Variants in POLR1C observed in about 807,000 individuals in gnomAD.
The protein encoded by POLR1C is DNA-directed RNA polymerases I and III subunit RPAC1.
POLR1C carries 42 observed loss-of-function variants against 38.3 expected under a neutral mutation model. The observed-to-expected ratio is 1.10, with a 90% confidence interval of 0.86 to 1.42. The LOEUF (loss-of-function observed/expected upper bound fraction) is 1.42. Among genes scored for constraint, POLR1C ranks in the 40% most tolerant of loss-of-function variants. POLR1C has a pLI of 0.00. For missense variants in POLR1C, 507 were observed against 450.5 expected, an observed-to-expected ratio of 1.13 and a Z score of -1.14; for synonymous variants, 163 against 163.9, an observed-to-expected ratio of 0.99 and a Z score of 0.04.
rs187713022 is a variant in POLR1C at position 43,539,367 on chromosome 6, G to A, written c.*4+10008G>A. 2,173 of 1,579,708 alleles carry A rather than the reference G, an allele frequency of 1.4e-3. 9 individuals carry two copies. The highest frequency in any genetic ancestry group is 6.0e-3 in the Middle Eastern group (33 of 5,520). ...CGCTGGCCAGCACGGGTCTGCTTCT[G>A]CACTGGCATAATCTTCAAAACCTCA... On this transcript the variant is annotated intron_variant, in intron 9 of 10. Coordinates refer to the POLR1C transcript ENST00000607635.
intron 6 of POLR1C, 49 bp downstream of exon 6, chr6:43,520,476 T>G (rs1413307481): frequency 6.2e-7 from 1 of 1,609,792 alleles, no homozygotes; most frequent in Non-Finnish European, 8.5e-7. Context: ...TCGGTTGCAG[T>G]GGGGCAAGCT....
chr6:43,528,965 C>CAT lies in POLR1C; in HGVS notation c.923-283_923-282dup, dbSNP rs776922426. On this transcript the variant is annotated intron_variant, in intron 8 of 8. Coordinates refer to the POLR1C transcript ENST00000304004. ...TAAGAAATTTTAGTGCATAGGCACA[C>CAT]ATCTCTCACCTGCCAGGTGGTGGGT... 7.0e-6 allele frequency: 11 copies of CAT among 1,567,190 alleles called. No homozygotes were observed. The South Asian group carries it at 1.2e-4, about 16-fold the overall frequency.
At chr6:43,546,796 A>C in intron 9 of POLR1C, 1 of 1,495,948 alleles carries the variant, frequency 6.7e-7, no homozygotes, top group East Asian at 2.5e-5. Flanking sequence ...AAAGGAAAAA[A>C]AAAAAAAGAC....
intron 9 of POLR1C, chr6:43,539,386 A>C (rs1794554964): frequency 1.9e-6 from 3 of 1,578,838 alleles, no homozygotes; most frequent in South Asian, 2.2e-5. Flanking sequence ...TAATCTTCAA[A>C]ACCTCATCCT....
Position 43,560,704 on chromosome 6 carries a change from C to T in POLR1C, c.*49-696C>T, listed in dbSNP as rs1096699. 0.24 allele frequency among the ~76,000 whole-genome samples: 36,445 copies of T among 152,120 alleles called. 5,530 individuals are homozygous for T. Among genetic ancestry groups the T allele is most frequent in the Non-Finnish European group, 0.32 (21,861 of 67,980 alleles). ...CACCTCACATGTGACTGAGTACAAT[C>T]AGAATATTACCTAAAGGGAAAAGCT... On this transcript the variant is annotated intron_variant, in intron 10 of 10. Coordinates refer to the POLR1C transcript ENST00000607635.
chr6:43,517,145 C>A lies in POLR1C; in HGVS notation c.36C>A (p.Ser12Arg). ...CTCAGGCGGTGGAGGAAATGCGGAG[C>A]CGCGTGGTTCTGGGGGAGTTTGGGG... ...AASQAVEEMR[S>R]RVVLGEFGVR... Residue 12 changes from serine to arginine, a missense_variant, in exon 1 of 9, where the codon AGC becomes AGA. Ser to Arg is a moderately radical substitution (Grantham distance 110, BLOSUM62 -1). Coordinates refer to ENST00000642195, the MANE Select transcript of POLR1C (RefSeq NM_203290.4). 1 of 1,614,060 alleles carries A rather than the reference C, an allele frequency of 6.2e-7. No homozygotes were observed. Among genetic ancestry groups the A allele is most frequent in the African/African-American group, 1.3e-5 (1 of 74,990 alleles).
At chr6:43,528,792 G>A in intron 8 of POLR1C, 1 of 1,591,938 alleles carries the variant, frequency 6.3e-7, no homozygotes, top group Non-Finnish European at 8.6e-7. Context: ...GGCCTTAATA[G>A]TACTCTTTGC....
chr6:43,553,141 T>C (rs2127735098), intron 10 of POLR1C, among the ~76,000 whole-genome samples: 1 of 151,980 alleles, frequency 6.6e-6, no homozygotes, highest in East Asian at 1.9e-4. Flanking sequence ...CAGACTCCAT[T>C]TTTATTATAA....
At chr6:43,523,842 C>T (rs758384615), downstream of POLR1C, 84 of 1,613,810 alleles carry the variant, frequency 5.2e-5, no homozygotes, top group South Asian at 2.7e-4. Context: ...CAAGAAAGGC[C>T]GAGGAAGGAT....
chr6:43,543,668 A>G (rs1350666859), intron 9 of POLR1C, among the ~76,000 whole-genome samples: 3 of 151,404 alleles, frequency 2.0e-5, no homozygotes, highest in Non-Finnish European at 4.4e-5. Flanking sequence ...GATAAAATTT[A>G]TTTAATTTTT....
chr6:43,524,897 C>T, downstream of POLR1C: 3 of 1,614,048 alleles, frequency 1.9e-6, no homozygotes, highest in Non-Finnish European at 2.5e-6. Flanking sequence ...GCTGCCCGTG[C>T]ATCTGTAAGC....
At chr6:43,558,694 G>C (rs1762244977) in intron 10 of POLR1C, 1 of 827,128 alleles carries the variant, frequency 1.2e-6, no homozygotes, top group South Asian at 1.9e-5. Context: ...TAAGAGTTAA[G>C]CGTTTGCATG....
Position 43,557,166 on chromosome 6 carries a change from C to T in POLR1C, c.*49-4234C>T, listed in dbSNP as rs554776101. ...AAAAGGCTGGGTGTGGTGGCTTACG[C>T]CTGTAATCCTAGTACTTTGGGAAGC... is the stretch of plus-strand genomic sequence containing the variant. On this transcript the variant is annotated intron_variant, in intron 10 of 10. Transcript: ENST00000607635. Among the ~76,000 whole-genome samples, 5 of 142,300 alleles carry T rather than the reference C, an allele frequency of 3.5e-5. No individual in the cohort carries two copies. In the South Asian group the frequency reaches 8.8e-4, roughly 25 times the overall value. 93.4% of individuals were successfully genotyped at this position (142,300 alleles called of 152,430 possible). A position where few individuals can be genotyped will look rare whatever the true frequency, so the allele number is the denominator to read the frequency against.
chr6:43,525,245 G>C (rs987136111), downstream of POLR1C: 1 of 1,545,810 alleles, frequency 6.5e-7, no homozygotes, highest in Non-Finnish European at 8.8e-7. Context: ...AGTTACAATG[G>C]AAAAAGAAGC....
Position 43,558,701 on chromosome 6 carries a change from C to T in POLR1C, c.*49-2699C>T, listed in dbSNP as rs189675372. ...AATTTATTTAAGAGTTAAGCGTTTG[C>T]ATGAGATATTGTATGGTAAATATCC... On this transcript the variant is annotated intron_variant, in intron 10 of 10. Transcript: ENST00000607635. 136 of 780,152 alleles carry T rather than the reference C, an allele frequency of 1.7e-4. No individual in the cohort carries two copies. In the East Asian group the frequency reaches 3.2e-3, roughly 18 times the overall value. 48.3% of individuals were successfully genotyped at this position (780,152 alleles called of 1,614,324 possible). A position where few individuals can be genotyped will look rare whatever the true frequency, so the allele number is the denominator to read the frequency against.
chr6:43,520,563 G>C lies in POLR1C; in HGVS notation c.656-62G>C. On this transcript the variant is annotated intron_variant, in intron 6 of 8. Transcript: ENST00000642195. ...TGTGCTTTTGCTGTTAGTAGCTTAG[G>C]AGGAGTATTCTTCCTAACCCTAGAA... The C allele has an allele frequency of 1.9e-6, 3 of 1,601,716 alleles. No individual in the cohort carries two copies. The South Asian group carries it at 3.3e-5, about 18-fold the overall frequency.
chr6:43,523,486 C>G (rs1382199035), downstream of POLR1C: 1 of 375,500 alleles, frequency 2.7e-6, no homozygotes, highest in Non-Finnish European at 5.2e-6. Flanking sequence ...TTGCTGCGAG[C>G]CTTGCTAGTC....
intron 9 of POLR1C, chr6:43,538,833 C>A (rs1397342752): frequency 7.1e-5 from 83 of 1,174,330 alleles, no homozygotes; most frequent in Non-Finnish European, 9.3e-5. Flanking sequence ...TATGTTGTAG[C>A]CACAGCTGGA....
chr6:43,528,487 C>A (rs1191483431), intron 8 of POLR1C, among the ~76,000 whole-genome samples: 1 of 152,038 alleles, frequency 6.6e-6, no homozygotes, highest in Non-Finnish European at 1.5e-5. Context: ...CTGTTCTCCA[C>A]CCAGCTGGTC....
Sources: gnomAD v4.1 joint callset for allele counts (sites outside exome capture counted in the v4.1 genomes callset) on GRCh38, gnomAD v4.1.1 for gene constraint, MANE v1.5 for transcripts, NCBI Gene and HGNC (gene_info 2026-07-23, HGNC 2026-07-21) for gene names.